VPS13B: variants seen among roughly 807,000 people sequenced by gnomAD.
The protein encoded by VPS13B is vacuolar protein sorting 13 homolog B, also known as intermembrane lipid transfer protein VPS13B.
Under a neutral mutation model 426.4 loss-of-function variants are expected in VPS13B, and 285 were observed. The observed-to-expected ratio is 0.67, with a 90% CI of 0.61 to 0.74. VPS13B has a LOEUF of 0.74. Ranked by LOEUF, VPS13B falls within the 30% of genes least tolerant of loss-of-function variation. The probability of loss-of-function intolerance (pLI) is 0.00; values close to 1 mark genes in which losing one functional copy is unlikely to be tolerated. For missense variants in VPS13B, 4,537 were observed against 4,782.6 expected (o/e 0.95, Z 1.51); for synonymous variants, 1,676 against 1,676.4 (o/e 1.00, Z 0.01).
rs1454361131 is a variant in VPS13B, at chr8:99,038,450, A to T, written c.175A>T (p.Ser59Cys). Reference sequence around the variant, plus strand: ...ACTGAAATTACCATTCACTTTTTTAAGTGGACATATTCATGAATTGAGGAT... The same window carrying T: ...ACTGAAATTACCATTCACTTTTTTATGTGGACATATTCATGAATTGAGGAT... The part of the protein sequence containing the change: ...QELKLPFTFL[S>C]GHIHELRIHV... The change falls in exon 3 of 62, where the codon AGT (serine) becomes TGT (cysteine). Residue 59 changes from serine (S) to cysteine (C), a missense_variant. This residue lies in a region of VPS13B where 226 missense variants were observed against 308.3 expected (regional missense o/e 0.73). Coordinates refer to ENST00000357162, the MANE Select transcript of VPS13B (RefSeq NM_152564.5). The T allele has an allele frequency of 6.2e-7, 1 of 1,607,822 alleles. No individual in the cohort carries two copies. The highest frequency in any genetic ancestry group is 1.7e-5 in the Admixed American group (1 of 59,796).
chr8:99,242,075 G>T (rs936953168), intron 17 of VPS13B, among the ~76,000 whole-genome samples: 6 of 152,072 alleles, frequency 3.9e-5, no homozygotes, highest in African/African-American at 1.4e-4. Context: ...CCGCCTCCCG[G>T]GTTCACGCTA....
chr8:99,361,286 G>C (rs1294102461), intron 19 of VPS13B, among the ~76,000 whole-genome samples: 1 of 152,100 alleles, frequency 6.6e-6, no homozygotes. Flanking sequence ...CAGTTTTTAG[G>C]CTAAGAAACC....
chr8:99,633,974 A>G (rs1002917115), intron 33 of VPS13B, among the ~76,000 whole-genome samples: 2 of 152,176 alleles, frequency 1.3e-5, no homozygotes, highest in Middle Eastern at 3.4e-3. Context: ...TGTGAGCAAC[A>G]TAGAGAAAGA....
At chr8:99,128,297 G>A (rs953824952) in intron 8 of VPS13B, among the ~76,000 whole-genome samples, 16 of 142,280 alleles carry the variant, frequency 1.1e-4, no homozygotes, top group African/African-American at 4.2e-4. Flanking sequence ...TGAAGCAGGA[G>A]AATTGCTTGA....
At chr8:99,402,063 G>A (rs1815067133) in intron 21 of VPS13B, among the ~76,000 whole-genome samples, 1 of 152,196 alleles carries the variant, frequency 6.6e-6, no homozygotes, top group South Asian at 2.1e-4. Context: ...TGAAAGTTTA[G>A]CATTACCTAG....
At chr8:99,661,790 G>A (rs541657647) in intron 35 of VPS13B, among the ~76,000 whole-genome samples, 1 of 152,144 alleles carries the variant, frequency 6.6e-6, no homozygotes, top group East Asian at 1.9e-4. Flanking sequence ...ATGATCTTAG[G>A]TGATTGATCT....
intron 3 of VPS13B, among the ~76,000 whole-genome samples, chr8:99,083,480 CT>C (rs1172532225): frequency 6.6e-6 from 1 of 151,374 alleles, no homozygotes; most frequent in African/African-American, 2.4e-5. Context: ...CTGGCCAGAA[CT>C]TCCAACACTA....
At chr8:99,028,722 A>G (rs1218256826) in intron 2 of VPS13B, among the ~76,000 whole-genome samples, 1 of 98,018 alleles carries the variant, frequency 1.0e-5, no homozygotes, top group Non-Finnish European at 2.1e-5. Flanking sequence ...TGGGGGGCTG[A>G]CCCCCCCACC....
chr8:99,575,639 C>G lies in VPS13B; in HGVS notation c.4950-19C>G. ...TGAAAATAATGAAATGGCTAATAATCTTTTACTCTATCTTTTAGCATACGG... is the reference window on the plus strand; with the variant it reads ...TGAAAATAATGAAATGGCTAATAATGTTTTACTCTATCTTTTAGCATACGG... On this transcript the variant is annotated intron_variant, in intron 31 of 61. Coordinates refer to ENST00000357162, the MANE Select transcript of VPS13B (RefSeq NM_152564.5). 4 of 1,613,352 alleles carry G rather than the reference C, an allele frequency of 2.5e-6. No homozygotes were observed. The highest frequency in any genetic ancestry group is 3.4e-6 in the Non-Finnish European group (4 of 1,179,668).
intron 33 of VPS13B, among the ~76,000 whole-genome samples, chr8:99,622,371 T>A (rs1427341135): frequency 6.6e-6 from 1 of 152,190 alleles, no homozygotes; most frequent in Non-Finnish European, 1.5e-5. Flanking sequence ...GATATTTTAT[T>A]CTTGAATCTA....
intron 7 of VPS13B, among the ~76,000 whole-genome samples, chr8:99,117,692 A>G (rs117223609): frequency 0.011 from 1,674 of 152,338 alleles, 15 homozygotes; most frequent in Non-Finnish European, 0.015. Flanking sequence ...CAGCCAGTCA[A>G]AAGATAATAC....
At chr8:99,312,549 G>C (rs563348809) in intron 19 of VPS13B, among the ~76,000 whole-genome samples, 1 of 152,194 alleles carries the variant, frequency 6.6e-6, no homozygotes, top group African/African-American at 2.4e-5. Flanking sequence ...CTGTTGGTCC[G>C]ATGGGCTTCC....
chr8:99,734,982 C>T (rs1833762352), intron 39 of VPS13B, among the ~76,000 whole-genome samples: 1 of 152,150 alleles, frequency 6.6e-6, no homozygotes, highest in Non-Finnish European at 1.5e-5. Context: ...ATAGGTTCTA[C>T]ATTGGACATT....
intron 10 of VPS13B, among the ~76,000 whole-genome samples, 157 bp downstream of exon 10, chr8:99,135,294 A>T (rs1810015756): frequency 6.6e-6 from 1 of 152,122 alleles, no homozygotes; most frequent in Non-Finnish European, 1.5e-5. Context: ...GCCAGAAATT[A>T]TAGATCTCAG....
intron 33 of VPS13B, among the ~76,000 whole-genome samples, chr8:99,579,276 T>G (rs1441102236): frequency 6.6e-6 from 1 of 152,254 alleles, no homozygotes; most frequent in Non-Finnish European, 1.5e-5. Context: ...AACTCATATC[T>G]GCTAGTCTAT....
At chr8:99,168,009 G>T (rs1167141179) in intron 15 of VPS13B, among the ~76,000 whole-genome samples, 1 of 152,074 alleles carries the variant, frequency 6.6e-6, no homozygotes, top group Admixed American at 6.5e-5. Flanking sequence ...CAAATTATTA[G>T]CTTATATAGG....
At chr8:99,802,321 GGCAAAGTGCCAAGAGGGCAA>G (rs1271934127) in intron 43 of VPS13B, among the ~76,000 whole-genome samples, 4 of 152,060 alleles carry the variant, frequency 2.6e-5, no homozygotes, top group African/African-American at 9.7e-5. Flanking sequence ...TCACCCTCTT[GGCAAAGTGCCAAGAGGGCAA>G]GTTGGGAAAA....
chr8:99,209,168 A>G (rs1814913187), intron 17 of VPS13B, among the ~76,000 whole-genome samples: 1 of 151,922 alleles, frequency 6.6e-6, no homozygotes, highest in Non-Finnish European at 1.5e-5. Context: ...AGTCCCAGCT[A>G]CTTGGGAGGC....
chr8:99,216,295 G>T (rs1815386739), intron 17 of VPS13B, among the ~76,000 whole-genome samples: 1 of 151,956 alleles, frequency 6.6e-6, no homozygotes, highest in African/African-American at 2.4e-5. Context: ...TTTCCTGTTA[G>T]GTCCTTTCCA....
Sources: gnomAD v4.1 joint callset for allele counts (sites outside exome capture counted in the v4.1 genomes callset) on GRCh38, gnomAD v4.1.1 for gene constraint, gnomAD v4.1.1 regional missense constraint, MANE v1.5 for transcripts, NCBI Gene and HGNC (gene_info 2026-07-23, HGNC 2026-07-21) for gene names.